ANK3: variants seen among roughly 807,000 people sequenced by gnomAD.
ANK3 encodes the protein ankyrin-3.
ANK3 carries 57 observed loss-of-function variants against 370.9 expected under a neutral mutation model. That is an observed-to-expected ratio of 0.15 (90% confidence interval 0.12 to 0.19). The LOEUF (loss-of-function observed/expected upper bound fraction) is 0.19. ANK3 is among the 10% of genes least tolerant of loss of function. ANK3 has a pLI of 1.00. For synonymous variants in ANK3, 1,929 were observed against 1,946.3 expected (o/e 0.99, Z 0.23); for missense variants, 4,439 against 5,302.1 (o/e 0.84, Z 5.06).
intron 17 of ANK3, among the ~76,000 whole-genome samples, chr10:60,185,087 C>T (rs1356859297): frequency 1.3e-5 from 2 of 151,992 alleles, no homozygotes; most frequent in African/African-American, 4.8e-5. Flanking sequence ...TATGAAATTG[C>T]TTTTTGATTC....
chr10:60,475,040 T>G (rs1388030595), intron 2 of ANK3, among the ~76,000 whole-genome samples: 1 of 152,190 alleles, frequency 6.6e-6, no homozygotes, highest in Non-Finnish European at 1.5e-5. Context: ...GAAATGTGTG[T>G]CATTCAGGAG....
At chr10:60,061,182 T>G (rs2131936142) in intron 40 of ANK3, among the ~76,000 whole-genome samples, 1 of 152,330 alleles carries the variant, frequency 6.6e-6, no homozygotes, top group East Asian at 1.9e-4. Context: ...TGAACATTTT[T>G]CAGTTATGGT....
chr10:60,284,296 C>T (rs2098211574), intron 1 of ANK3, among the ~76,000 whole-genome samples: 1 of 152,132 alleles, frequency 6.6e-6, no homozygotes, highest in African/African-American at 2.4e-5. Flanking sequence ...GGCTCCAGAA[C>T]TGTGAGATAA....
At chr10:60,604,775 C>A (rs1424221873) in intron 2 of ANK3, among the ~76,000 whole-genome samples, 1 of 152,142 alleles carries the variant, frequency 6.6e-6, no homozygotes, top group Admixed American at 6.6e-5. Flanking sequence ...TGGCCACCAC[C>A]TATGCTCAGA....
At chr10:60,534,240 A>G (rs185674999) in intron 2 of ANK3, among the ~76,000 whole-genome samples, 32 of 152,270 alleles carry the variant, frequency 2.1e-4, no homozygotes, top group African/African-American at 5.8e-4. Flanking sequence ...ATAATATAGG[A>G]CAGTCAGAGT....
chr10:60,615,252 G>T, intron 1 of ANK3: 1 of 1,487,180 alleles, frequency 6.7e-7, no homozygotes. Flanking sequence ...CAAACATTTA[G>T]CAAACATGAA....
chr10:60,074,785 T>A lies in ANK3; in HGVS notation c.6096A>T (p.Lys2032Asn), dbSNP rs747440394. 8.7e-6 allele frequency: 14 copies of A among 1,614,152 alleles called. No individual in the cohort carries two copies. The highest frequency in any genetic ancestry group is 1.2e-5 in the Non-Finnish European group (14 of 1,180,018). Residue 2032 changes from lysine (K) to asparagine (N), a missense_variant, in exon 37 of 44, where the codon AAA becomes AAT. Transcript: ENST00000280772. ...TATCATTTGTTAGGTAATCAATAAC[T>A]TTGGTCAAGTTATAATCCTTTTCGG... is the stretch of plus-strand genomic sequence containing the variant. Reference protein sequence around the residue: ...AASEKDYNLTKVIDYLTNDIG... With the variant: ...AASEKDYNLTNVIDYLTNDIG...
chr10:60,680,137 GAAA>G (rs10641945), intron 1 of ANK3, among the ~76,000 whole-genome samples: 1 of 128,398 alleles, frequency 7.8e-6, no homozygotes, highest in African/African-American at 3.0e-5. Context: ...TCTGTCTCGG[GAAA>G]AAAAAAAAAA....
At chr10:60,245,833 C>T (rs1036378765) in intron 7 of ANK3, among the ~76,000 whole-genome samples, 3 of 152,152 alleles carry the variant, frequency 2.0e-5, no homozygotes, top group African/African-American at 7.2e-5. Flanking sequence ...GAAAACACTC[C>T]AGCCTTCCTA....
intron 1 of ANK3, among the ~76,000 whole-genome samples, chr10:60,364,172 T>G (rs917316054): frequency 1.3e-5 from 2 of 151,618 alleles, no homozygotes; most frequent in Admixed American, 1.3e-4. Flanking sequence ...TGGGTGCCTT[T>G]AATCCCAGCT....
chr10:60,587,888 C>T (rs980011197), intron 2 of ANK3, among the ~76,000 whole-genome samples: 3 of 151,904 alleles, frequency 2.0e-5, no homozygotes, highest in Non-Finnish European at 4.4e-5. Flanking sequence ...GAAAGAATGA[C>T]AGTTTTAGAA....
At chr10:60,124,901 C>T (rs2093680249) in intron 25 of ANK3, among the ~76,000 whole-genome samples, 1 of 152,114 alleles carries the variant, frequency 6.6e-6, no homozygotes, top group African/African-American at 2.4e-5. Context: ...CATTAGGTAG[C>T]CAAAAGCACG....
At chr10:60,104,722 T>C (rs369911356) in intron 28 of ANK3, among the ~76,000 whole-genome samples, 115 of 152,328 alleles carry the variant, frequency 7.5e-4, no homozygotes, top group African/African-American at 2.6e-3. Context: ...TTGGTGGCGA[T>C]TGTGTCTTAT....
intron 1 of ANK3, among the ~76,000 whole-genome samples, chr10:60,361,210 T>C (rs2058557609): frequency 6.6e-6 from 1 of 152,214 alleles, no homozygotes; most frequent in Admixed American, 6.5e-5. Context: ...ACAGAATTAA[T>C]GTGTACCTTT....
Position 60,027,611 on chromosome 10 carries a change from A to AAAG in ANK3, c.*2232_*2234dup, listed in dbSNP as rs2072467913. 6.6e-6 allele frequency: 1 copy of AAAG among 152,172 alleles called. No homozygotes were observed. The highest frequency in any genetic ancestry group is 1.5e-5 in the Non-Finnish European group (1 of 68,036). The allele number at this position is 152,172 out of a possible 1,614,324, so 9.4% of individuals were successfully genotyped here. ...CAAAGAAAGACAGTACCTAATTCAT[A>AAAG]AAGTAGATATGAGGACTAAGTAAGT... On this transcript the variant is annotated 3_prime_UTR_variant, in exon 44 of 44. Transcript: ENST00000280772.
chr10:60,701,585 C>T (rs990696833), intron 1 of ANK3, among the ~76,000 whole-genome samples: 2 of 152,154 alleles, frequency 1.3e-5, no homozygotes, highest in African/African-American at 2.4e-5. Context: ...TTTATTGCTG[C>T]TGTGACTTAA....
In ANK3 at chr10:60,651,651, G is replaced by T. The variant is rs1437670143; in HGVS notation, c.58-36427C>A. Among the ~76,000 whole-genome samples the T allele has an allele frequency of 2.0e-5, 3 of 152,136 alleles. No individual in the cohort carries two copies. In the East Asian group the frequency reaches 5.8e-4, roughly 29 times the overall value. On this transcript the variant is annotated intron_variant, in intron 1 of 43. Coordinates refer to the ANK3 transcript ENST00000373827. ...ATATGAGCTCTGTTATTTATTAGCT[G>T]CCTGTCCTTGCTGTGGATTTCCTAA...
At chr10:60,079,225 A>ACACACACACACACAC (rs376356885) in intron 36 of ANK3, among the ~76,000 whole-genome samples, 2 of 142,648 alleles carry the variant, frequency 1.4e-5, no homozygotes, top group African/African-American at 5.3e-5. Flanking sequence ...ACACACACAC[A>ACACACACACACACAC]CCCCTCTTCT....
intron 2 of ANK3, among the ~76,000 whole-genome samples, chr10:60,583,293 A>G (rs1329200567): frequency 6.6e-6 from 1 of 152,190 alleles, no homozygotes; most frequent in African/African-American, 2.4e-5. Flanking sequence ...ACTCATATGT[A>G]GAATCTAAAA....
Sources: gnomAD v4.1 joint callset for allele counts (sites outside exome capture counted in the v4.1 genomes callset) on GRCh38, gnomAD v4.1.1 for gene constraint, MANE v1.5 for transcripts, NCBI Gene and HGNC (gene_info 2026-07-23, HGNC 2026-07-21) for gene names.